MAP2: variants seen among roughly 807,000 people sequenced by gnomAD.
The protein encoded by MAP2 is microtubule-associated protein 2.
Under a neutral mutation model 137.6 loss-of-function variants are expected in MAP2, and 14 were observed. That is an observed-to-expected ratio of 0.10 (90% CI 0.07 to 0.16). The LOEUF is 0.16. Among genes scored for constraint, MAP2 ranks in the 10% least tolerant of loss-of-function variants. MAP2 has a pLI of 1.00. For missense variants in MAP2, 2,088 were observed against 2,191.5 expected (o/e 0.95, Z 0.94); for synonymous variants, 786 against 782.3 (o/e 1.00, Z -0.08).
intron 2 of MAP2, among the ~76,000 whole-genome samples, chr2:209,567,640 AC>A (rs2073722503): frequency 1.3e-5 from 2 of 152,024 alleles, no homozygotes; most frequent in South Asian, 4.1e-4. Flanking sequence ...TAAAACACTG[AC>A]TTCTTCAATT....
chr2:209,488,417 T>G (rs1388944118), intron 1 of MAP2, among the ~76,000 whole-genome samples: 1 of 151,820 alleles, frequency 6.6e-6, no homozygotes, highest in Non-Finnish European at 1.5e-5. Context: ...CAGTGGCACC[T>G]GGAAGGCCAG....
At chr2:209,474,367 T>C (rs1360329829) in intron 1 of MAP2, among the ~76,000 whole-genome samples, 2 of 152,126 alleles carry the variant, frequency 1.3e-5, no homozygotes, top group South Asian at 2.1e-4. Flanking sequence ...ATGAGTCCTT[T>C]GTATAATTTA....
chr2:209,585,159 CAAG>C (rs1010655233), intron 3 of MAP2, among the ~76,000 whole-genome samples: 1 of 150,434 alleles, frequency 6.6e-6, no homozygotes, highest in Non-Finnish European at 1.5e-5. Flanking sequence ...GTGTTATTAA[CAAG>C]AAGGATAAGA....
intron 1 of MAP2, among the ~76,000 whole-genome samples, chr2:209,483,602 A>T (rs1412091747): frequency 1.3e-5 from 2 of 152,212 alleles, no homozygotes; most frequent in Non-Finnish European, 2.9e-5. Context: ...ATTTTTGTAA[A>T]AGATGTTTTT....
At position 209,676,771 on chromosome 2, in the gene MAP2, A is replaced by C. The variant is rs1275002085; in HGVS notation, c.263-1801A>C. On this transcript the variant is annotated intron_variant, in intron 5 of 15. Transcript: ENST00000682079. ...TATATATATATATATATATATATAT[A>C]TCTCCCAATTTCTGCCATGATTGTT... Among the ~76,000 whole-genome samples the C allele has an allele frequency of 3.0e-3, 317 of 107,396 alleles. 2 individuals are homozygous for C. Among genetic ancestry groups the C allele is most frequent in the East Asian group, 0.012 (42 of 3,556 alleles). The allele number at this position is 107,396 out of a possible 152,430, so 70.5% of individuals were successfully genotyped here. A position where few individuals can be genotyped will look rare whatever the true frequency, so the allele number is the denominator to read the frequency against.
At chr2:209,565,313 G>C (rs1010876047) in intron 2 of MAP2, among the ~76,000 whole-genome samples, 1 of 152,030 alleles carries the variant, frequency 6.6e-6, no homozygotes, top group African/African-American at 2.4e-5. Flanking sequence ...AACCTTTTGG[G>C]TTTAAGCAAT....
At chr2:209,491,624 C>G (rs1461557891) in intron 1 of MAP2, among the ~76,000 whole-genome samples, 1 of 152,100 alleles carries the variant, frequency 6.6e-6, no homozygotes, top group African/African-American at 2.4e-5. Flanking sequence ...CACCACTGAT[C>G]CCACAGAAAT....
rs1236841676 is a variant in MAP2, at chr2:209,696,633, A to G, written c.4272A>G (p.Lys1424=). 7 of 1,613,940 alleles carry G rather than the reference A, an allele frequency of 4.3e-6. No individual in the cohort carries two copies. Among genetic ancestry groups the G allele is most frequent in the Non-Finnish European group, 5.9e-6 (7 of 1,179,904 alleles). ...AAGCTCGGAGATCATCTCTTGAGAA[A>G]CATAGAAAAGAAAAGCCTTTTAAAA... The part of the protein sequence containing the change: ...EKEARRSSLE[K]HRKEKPFKTG... The change falls in exon 9 of 16, where the codon AAA becomes AAG. Residue 1424 remains lysine, a synonymous_variant. Coordinates refer to ENST00000682079, the MANE Select transcript of MAP2 (RefSeq NM_001375505.1).
intron 2 of MAP2, among the ~76,000 whole-genome samples, chr2:209,530,004 A>G (rs1215028053): frequency 6.6e-6 from 1 of 150,774 alleles, no homozygotes; most frequent in Non-Finnish European, 1.5e-5. Flanking sequence ...CATGGGGAAG[A>G]ATTACAAAAA....
At chr2:209,425,474 T>C (rs150049614) in intron 1 of MAP2, among the ~76,000 whole-genome samples, 3,595 of 152,330 alleles carry the variant, frequency 0.024, 56 homozygotes, top group Non-Finnish European at 0.034. Flanking sequence ...ATAAAATCTG[T>C]AGTGCAAAAC....
At chr2:209,515,029 T>A (rs2150317461) in intron 2 of MAP2, among the ~76,000 whole-genome samples, 1 of 152,278 alleles carries the variant, frequency 6.6e-6, no homozygotes, top group East Asian at 1.9e-4. Context: ...TATAAAAATG[T>A]TAGTTGAAAA....
rs1040027208 is a variant in MAP2 at position 209,566,698 on chromosome 2, C to G, written c.-171-13338C>G. 3.3e-5 allele frequency among the ~76,000 whole-genome samples: 5 copies of G among 152,066 alleles called. 1 individual carries two copies. Among genetic ancestry groups the G allele is most frequent in the Non-Finnish European group, 4.4e-5 (3 of 68,000 alleles). On this transcript the variant is annotated intron_variant, in intron 2 of 15. Coordinates refer to ENST00000682079, the MANE Select transcript of MAP2 (RefSeq NM_001375505.1). The stretch of plus-strand genomic sequence containing the variant: ...GCTATTTTATCATCTTCACAACCCC[C>G]GTTTGTTTCTTTGTTTTTTTGTTGT...
chr2:209,653,051 C>T (rs1469757599), intron 4 of MAP2, 91 bp from the exon 5 acceptor site: 16 of 955,038 alleles, frequency 1.7e-5, no homozygotes, highest in African/African-American at 6.7e-5. Flanking sequence ...GAAAGCCACA[C>T]GGTTTGCTAC....
At chr2:209,702,616 C>G (rs558178003) in intron 11 of MAP2, among the ~76,000 whole-genome samples, 10 of 151,920 alleles carry the variant, frequency 6.6e-5, no homozygotes, top group Non-Finnish European at 1.5e-4. Context: ...CTGCATTTCA[C>G]GTGGGTTTTT....
chr2:209,490,110 C>T (rs554217164), intron 1 of MAP2, among the ~76,000 whole-genome samples: 15 of 152,196 alleles, frequency 9.9e-5, no homozygotes, highest in East Asian at 1.9e-4. Flanking sequence ...CAGAAGAGAG[C>T]GGGGGAAAAT....
intron 2 of MAP2, among the ~76,000 whole-genome samples, chr2:209,553,370 A>G (rs1041711348): frequency 7.9e-5 from 12 of 152,190 alleles, no homozygotes; most frequent in Non-Finnish European, 1.6e-4. Flanking sequence ...TGTACCGTAC[A>G]TCATTAAAAG....
At chr2:209,654,514 G>C (rs536860554) in intron 5 of MAP2, among the ~76,000 whole-genome samples, 1 of 152,158 alleles carries the variant, frequency 6.6e-6, no homozygotes, top group Non-Finnish European at 1.5e-5. Context: ...ATAGTAAAGT[G>C]TACAAAGTGA....
intron 2 of MAP2, among the ~76,000 whole-genome samples, chr2:209,574,487 C>T (rs2074988873): frequency 6.7e-6 from 1 of 148,488 alleles, no homozygotes; most frequent in Non-Finnish European, 1.5e-5. Flanking sequence ...GTTTCTTTAT[C>T]CATTCATCCA....
intron 5 of MAP2, among the ~76,000 whole-genome samples, chr2:209,672,924 A>G (rs2049503954): frequency 6.6e-6 from 1 of 151,832 alleles, no homozygotes; most frequent in Admixed American, 6.6e-5. Context: ...AGTTTCTCAT[A>G]CATATTAATC....
Sources: gnomAD v4.1 joint callset for allele counts (sites outside exome capture counted in the v4.1 genomes callset) on GRCh38, gnomAD v4.1.1 for gene constraint, MANE v1.5 for transcripts, NCBI Gene and HGNC (gene_info 2026-07-23, HGNC 2026-07-21) for gene names.